CTDP1: variants seen among roughly 807,000 people sequenced by gnomAD.
CTDP1 encodes CTD phosphatase 1.
Under a neutral mutation model 91.8 loss-of-function variants are expected in CTDP1, and 47 were observed. The ratio of observed to expected loss-of-function variants is 0.51; its 90% CI spans 0.41 to 0.65. The LOEUF is 0.65. Ranked by LOEUF, CTDP1 falls within the 30% of genes least tolerant of loss-of-function variation. The pLI is 0.00. For missense variants in CTDP1, 1,272 were observed against 1,373.7 expected (o/e 0.93, Z 1.17); for synonymous variants, 656 against 598.5 (o/e 1.10, Z -1.40).
chr18:79,709,446 C>A (rs1461868281), intron 5 of CTDP1, among the ~76,000 whole-genome samples: 1 of 152,240 alleles, frequency 6.6e-6, no homozygotes, highest in East Asian at 1.9e-4. Flanking sequence ...TTGATTTTCA[C>A]AGTGGTGCTT....
intron 12 of CTDP1, among the ~76,000 whole-genome samples, chr18:79,742,174 TGAAGCATGAGAGA>T (rs2086793303): frequency 1.4e-5 from 1 of 69,354 alleles, no homozygotes; most frequent in African/African-American, 5.6e-5. Flanking sequence ...AGAGGAAGCA[TGAAGCATGAGAGA>T]GAGAGAGAGA....
intron 12 of CTDP1, chr18:79,749,681 C>T (rs2086957037): frequency 6.6e-6 from 1 of 152,296 alleles, no homozygotes; most frequent in Non-Finnish European, 1.5e-5. Context: ...GGTCTCCTGT[C>T]CCGTCCACCT....
rs767787262 is a variant in CTDP1 at position 79,695,182 on chromosome 18, C to T, written c.315-43C>T. 2.5e-6 allele frequency: 4 copies of T among 1,574,244 alleles called. No homozygotes were observed. The South Asian group carries it at 3.3e-5, about 13-fold the overall frequency. On this transcript the variant is annotated intron_variant, in intron 1 of 12. Transcript: ENST00000613122. ...CTTACTTGGGGGCTCTTTTGATAAA[C>T]CAAGAGATTTTAAAGTGTTGTTCCC...
chr18:79,694,389 C>T (rs1434610275), intron 1 of CTDP1, among the ~76,000 whole-genome samples: 1 of 96,522 alleles, frequency 1.0e-5, no homozygotes, highest in Non-Finnish European at 2.2e-5. Flanking sequence ...TGCCGGGCAG[C>T]CTCGTGTCCG....
intron 1 of CTDP1, among the ~76,000 whole-genome samples, chr18:79,689,944 C>T (rs1187817599): frequency 1.3e-5 from 2 of 152,164 alleles, no homozygotes; most frequent in African/African-American, 2.4e-5. Context: ...GAGGCATTGC[C>T]GCCTTGTCTG....
At chr18:79,720,487 A>G (rs2086320692) in intron 10 of CTDP1, among the ~76,000 whole-genome samples, 1 of 149,930 alleles carries the variant, frequency 6.7e-6, no homozygotes, top group South Asian at 2.1e-4. Flanking sequence ...CGTCCTCGTG[A>G]TGATGTCACC....
intron 11 of CTDP1, among the ~76,000 whole-genome samples, chr18:79,735,143 G>C (rs1474111872): frequency 2.6e-5 from 4 of 152,074 alleles, no homozygotes; most frequent in Non-Finnish European, 5.9e-5. Context: ...TGTGACTCTG[G>C]ACTCGGCCTC....
rs599554 is a variant in CTDP1 at position 79,713,086 on chromosome 18, G to A, written c.978G>A (p.Thr326=). 276,652 of 1,613,690 alleles carry A rather than the reference G, an allele frequency of 0.17. 25,060 individuals carry two copies. The highest frequency in any genetic ancestry group is 0.29 in the African/African-American group (21,942 of 74,914). The change falls in exon 7 of 13, where the codon ACG becomes ACA. Residue 326 remains threonine, a synonymous_variant. Transcript: ENST00000613122. This position sits in a 1 kb window ranked among gnomAD's most constrained non-coding sequence, Gnocchi z 4.7. ...AGAAATATGTATACTTCCAGGGCAC[G>A]GGTGATATGAATGCGCCCCCTGGGT... ...TVKKYVYFQG[T]GDMNAPPGSR...
In CTDP1 at chr18:79,732,641, C is replaced by T. The variant is rs547150776; in HGVS notation, c.2580+3572C>T. 7.3e-5 allele frequency among the ~76,000 whole-genome samples: 11 copies of T among 149,750 alleles called. No individual in the cohort carries two copies. The South Asian group carries it at 1.7e-3, about 23-fold the overall frequency. On this transcript the variant is annotated intron_variant, in intron 11 of 12. Transcript: ENST00000613122. Reference sequence around the variant, plus strand: ...AACATCAGGAGTGCTCCCAAAATCACGTGAGACGTAAGAACTCACTGTCAT... The same window carrying T: ...AACATCAGGAGTGCTCCCAAAATCATGTGAGACGTAAGAACTCACTGTCAT...
At chr18:79,695,419 G>A in intron 2 of CTDP1, 111 bp downstream of exon 2, 1 of 937,710 alleles carries the variant, frequency 1.1e-6, no homozygotes, top group Non-Finnish European at 1.7e-6. Flanking sequence ...TTTCCCAGCG[G>A]CAGATGCAGA....
chr18:79,753,766 G>C lies in CTDP1; in HGVS notation c.2862G>C (p.Glu954Asp). Residue 954 changes from glutamate (E) to aspartate (D), a missense_variant, in exon 13 of 13, where the codon GAG (glutamate) becomes GAC (aspartate). Physicochemically the swap from Glu to Asp is conservative, Grantham distance 45 (BLOSUM62 2). Around this residue, in one of 3 missense-constraint regions of CTDP1, gnomAD observed 881 missense variants for 911.6 expected, o/e 0.97. Transcript: ENST00000613122. ...CCGACGAGATGGCCAAGGCGCTGGA[G>C]GCGGAGCTCAACGACCTCATGTGAG... ...SEADEMAKAL[E>D]AELNDLM 6.2e-7 allele frequency: 1 copy of C among 1,613,796 alleles called. No homozygotes were observed. The highest frequency in any genetic ancestry group is 8.5e-7 in the Non-Finnish European group (1 of 1,180,006).
Position 79,714,933 on chromosome 18 carries a change from A to G in CTDP1, c.1473A>G (p.Pro491=), listed in dbSNP as rs1422453961. The G allele has an allele frequency of 3.8e-6, 6 of 1,564,618 alleles. No individual in the cohort carries two copies. In the African/African-American group the frequency reaches 5.4e-5, roughly 14 times the overall value. The part of the protein sequence containing the change: ...KRGRQKPKAA[P]EGAGALAQGS... ...GCCGGCAGAAGCCGAAGGCTGCCCC[A>G]GAGGGAGCCGGGGCGCTGGCACAGG... The change falls in exon 8 of 13, where the codon CCA becomes CCG. Residue 491 remains proline (P), a synonymous_variant. Transcript: ENST00000613122.
intron 11 of CTDP1, among the ~76,000 whole-genome samples, chr18:79,733,586 C>G (rs967479841): frequency 6.6e-6 from 1 of 151,956 alleles, no homozygotes; most frequent in African/African-American, 2.4e-5. Flanking sequence ...TCTCCAGCTG[C>G]GTTACCTCGT....
chr18:79,721,152 A>G (rs2086337317), intron 10 of CTDP1, among the ~76,000 whole-genome samples: 1 of 152,230 alleles, frequency 6.6e-6, no homozygotes, highest in African/African-American at 2.4e-5. Context: ...GGAGCCGCTC[A>G]GGCCCAGCCC....
At chr18:79,720,186 G>A (rs895866290) in intron 10 of CTDP1, among the ~76,000 whole-genome samples, 2 of 149,266 alleles carry the variant, frequency 1.3e-5, no homozygotes, top group Non-Finnish European at 3.0e-5. Context: ...TCCTGGTGAC[G>A]ATGTCATCTC....
Position 79,733,503 on chromosome 18 carries a change from G to A in CTDP1, c.2581-2852G>A, listed in dbSNP as rs989869093. ...AAGCCTGCTGGGCCCCAGAGCCGGC[G>A]TCCGCTGCCTCTGCAGCTGCGTTAC... is the stretch of plus-strand genomic sequence containing the variant. On this transcript the variant is annotated intron_variant, in intron 11 of 12. Transcript: ENST00000613122. Among the ~76,000 whole-genome samples, 5 of 152,180 alleles carry A rather than the reference G, an allele frequency of 3.3e-5. No homozygotes were observed. The East Asian group carries it at 5.8e-4, about 18-fold the overall frequency.
chr18:79,697,195 G>A (rs1007821394), intron 3 of CTDP1, among the ~76,000 whole-genome samples: 1 of 152,210 alleles, frequency 6.6e-6, no homozygotes, highest in African/African-American at 2.4e-5. Context: ...TTTCCCTTCG[G>A]GGATGGGCAC....
At chr18:79,697,835 A>G in intron 3 of CTDP1, 25 bp from the exon 4 acceptor site, 1 of 1,614,042 alleles carries the variant, frequency 6.2e-7, no homozygotes, top group Non-Finnish European at 8.5e-7. Flanking sequence ...TGACTTTGTC[A>G]TTTCTTGTTT....
chr18:79,746,412 C>T (rs763280661), intron 12 of CTDP1, among the ~76,000 whole-genome samples: 2 of 152,244 alleles, frequency 1.3e-5, no homozygotes, highest in East Asian at 1.9e-4. Flanking sequence ...TCTGACTCTG[C>T]GGTCTCTTCA....
Sources: gnomAD v4.1 joint callset for allele counts (sites outside exome capture counted in the v4.1 genomes callset) on GRCh38, gnomAD v4.1.1 for gene constraint, gnomAD v4.1.1 regional missense constraint, Gnocchi (gnomAD v3.1) non-coding constraint, MANE v1.5 for transcripts, NCBI Gene and HGNC (gene_info 2026-07-23, HGNC 2026-07-21) for gene names.